Variants in ARID4A observed in about 807,000 individuals in gnomAD.
The protein encoded by ARID4A is AT-rich interactive domain-containing protein 4A.
Under a neutral mutation model 148.6 loss-of-function variants are expected in ARID4A, and 39 were observed. The ratio of observed to expected loss-of-function variants is 0.26; its 90% CI spans 0.20 to 0.34. The LOEUF is 0.34. Among genes scored for constraint, ARID4A ranks in the 10% least tolerant of loss-of-function variants. The pLI, the probability that ARID4A is intolerant of heterozygous loss-of-function variation, is 1.00. For synonymous variants in ARID4A, 475 were observed against 481.2 expected (o/e 0.99, Z 0.17); for missense variants, 1,265 against 1,449.1 (o/e 0.87, Z 2.06).
Position 58,347,875 on chromosome 14 carries a change from G to A in ARID4A, c.1401G>A (p.Pro467=), listed in dbSNP as rs563769729. Residue 467 remains proline, a synonymous_variant, in exon 15 of 24, where the codon CCG becomes CCA. Coordinates refer to ENST00000355431, the MANE Select transcript of ARID4A (RefSeq NM_002892.4). ...GAGAAGAGATAGAATTAAAATCTCC[G>A]AGGGTGAGTTCTTAATACTAGTTTT... is the stretch of plus-strand genomic sequence containing the variant. ...SEREEIELKS[P]RGRRRIARDV... The A allele has an allele frequency of 3.7e-5, 59 of 1,604,134 alleles. 1 individual carries two copies. The highest frequency in any genetic ancestry group is 2.2e-4 in the South Asian group (20 of 90,280).
intron 7 of ARID4A, 128 bp downstream of exon 7, chr14:58,318,933 T>C (rs1262065909): frequency 1.1e-5 from 8 of 703,500 alleles, no homozygotes; most frequent in Non-Finnish European, 1.6e-5. Flanking sequence ...ATGTTAGACA[T>C]TTTACCCTGA....
intron 5 of ARID4A, among the ~76,000 whole-genome samples, chr14:58,307,846 G>A (rs1324993698): frequency 1.3e-5 from 2 of 152,122 alleles, no homozygotes; most frequent in African/African-American, 2.4e-5. Flanking sequence ...TAAGCTTAAT[G>A]TTAACTCTTA....
At position 58,365,054 on chromosome 14, in the gene ARID4A, G is replaced by A. The variant is rs1418461925; in HGVS notation, c.2965G>A (p.Val989Ile). 1 of 1,614,096 alleles carries A rather than the reference G, an allele frequency of 6.2e-7. No individual in the cohort carries two copies. Among genetic ancestry groups the A allele is most frequent in the South Asian group, 1.1e-5 (1 of 91,080 alleles). Reference sequence around the variant, plus strand: ...TGAAAGCTCTGAGTCTAACTCTCTTGTTTCTATTCCACCTGCCCTACCTCC... The same window carrying A: ...TGAAAGCTCTGAGTCTAACTCTCTTATTTCTATTCCACCTGCCCTACCTCC... Reference protein sequence around the residue: ...AVESSESNSLVSIPPALPPVV... With the variant: ...AVESSESNSLISIPPALPPVV... Residue 989 changes from valine to isoleucine, a missense_variant, in exon 20 of 24, where the codon GTT becomes ATT. This residue lies in a region of ARID4A where 666 missense variants were observed against 730.9 expected (regional missense o/e 0.91). Coordinates refer to ENST00000355431, the MANE Select transcript of ARID4A (RefSeq NM_002892.4).
Position 58,346,428 on chromosome 14 carries a change from C to G in ARID4A, c.997C>G (p.Pro333Ala). The change falls in exon 13 of 24, where the codon CCA (proline) becomes GCA (alanine). Residue 333 changes from proline to alanine, a missense_variant. Pro to Ala is a conservative substitution (Grantham distance 27). Around this residue, in one of 9 missense-constraint regions of ARID4A, gnomAD observed 249 missense variants for 277.2 expected, o/e 0.90. Transcript: ENST00000355431. Reference sequence around the variant, plus strand: ...TTGAAAAGGTACTCCAATCAACAAACCACCTGTTTTGGGCTATAAAGATCT... The same window carrying G: ...TTGAAAAGGTACTCCAATCAACAAAGCACCTGTTTTGGGCTATAAAGATCT... ...MEDRGTPINK[P>A]PVLGYKDLNL... The G allele has an allele frequency of 6.2e-7, 1 of 1,605,804 alleles. No homozygotes were observed. The highest frequency in any genetic ancestry group is 8.5e-7 in the Non-Finnish European group (1 of 1,175,136).
chr14:58,364,998 A>G lies in ARID4A; in HGVS notation c.2909A>G (p.Lys970Arg). ...GTAGATTTGGATGATTTGGATGAAA[A>G]GGATAAGACCAGCATTGAGGATGTA... ...HEVDLDDLDE[K>R]DKTSIEDVAV... The change falls in exon 20 of 24, where the codon AAG (lysine) becomes AGG (arginine). Residue 970 changes from lysine to arginine, a missense_variant. This residue lies in a region of ARID4A where 666 missense variants were observed against 730.9 expected (regional missense o/e 0.91). Transcript: ENST00000355431. 1 of 1,614,156 alleles carries G rather than the reference A, an allele frequency of 6.2e-7. No homozygotes were observed.
Position 58,351,293 on chromosome 14 carries a change from C to T in ARID4A, c.1625C>T (p.Ser542Leu), listed in dbSNP as rs2034627396. The T allele has an allele frequency of 2.5e-6, 4 of 1,604,710 alleles. No individual in the cohort carries two copies. The highest frequency in any genetic ancestry group is 2.5e-6 in the Non-Finnish European group (3 of 1,177,986). Residue 542 changes from serine (S) to leucine (L), a missense_variant, in exon 16 of 24, where the codon TCA becomes TTA. Transcript: ENST00000355431. ...IKKQEDSDKD[S>L]DEEEEKSQER... Reference sequence around the variant, plus strand: ...AAACAGGAGGATTCTGACAAAGACTCAGATGAAGAGGAAGAGAAAAGCCAA... The same window carrying T: ...AAACAGGAGGATTCTGACAAAGACTTAGATGAAGAGGAAGAGAAAAGCCAA...
Position 58,353,726 on chromosome 14 carries a change from C to T in ARID4A, c.1724C>T (p.Thr575Ile), listed in dbSNP as rs756389683. ...GAGGAAGACATGGAACCCTGCCTAA[C>T]AGGAACCAAAGTGAAAGTAAAATAT... ...EDEEDMEPCL[T>I]GTKVKVKYGR... The change falls in exon 17 of 24, where the codon ACA becomes ATA. Residue 575 changes from threonine (T) to isoleucine (I), a missense_variant. By Grantham distance (89) the Thr-to-Ile change is moderately conservative. Coordinates refer to ENST00000355431, the MANE Select transcript of ARID4A (RefSeq NM_002892.4). The T allele has an allele frequency of 1.2e-6, 2 of 1,613,978 alleles. No individual in the cohort carries two copies. Among genetic ancestry groups the T allele is most frequent in the Admixed American group, 1.7e-5 (1 of 60,006 alleles).
Position 58,338,442 on chromosome 14 carries a change from T to G in ARID4A, c.907-6253T>G, listed in dbSNP as rs34041403. ...ACTTCTGATGTACTCCTTGCAGTGC[T>G]TAGCTCCCCACAGTGGAGCTTGGAG... On this transcript the variant is annotated intron_variant, in intron 11 of 23. Coordinates refer to ENST00000355431, the MANE Select transcript of ARID4A (RefSeq NM_002892.4). 5.4e-3 allele frequency among the ~76,000 whole-genome samples: 823 copies of G among 152,336 alleles called. 4 individuals carry two copies. Among genetic ancestry groups the G allele is most frequent in the Non-Finnish European group, 9.7e-3 (659 of 68,028 alleles).
chr14:58,350,870 A>G (rs984272261), intron 15 of ARID4A, among the ~76,000 whole-genome samples: 27 of 152,204 alleles, frequency 1.8e-4, no homozygotes, highest in Non-Finnish European at 4.0e-4. Context: ...GTATATAGCC[A>G]AAGTAGACCT....
intron 18 of ARID4A, among the ~76,000 whole-genome samples, chr14:58,359,899 T>C (rs1172900420): frequency 6.6e-6 from 1 of 152,202 alleles, no homozygotes; most frequent in African/African-American, 2.4e-5. Flanking sequence ...ACCCCATCTC[T>C]ACTAAATATA....
chr14:58,366,616 G>A (rs2140274051), intron 22 of ARID4A, among the ~76,000 whole-genome samples: 1 of 152,246 alleles, frequency 6.6e-6, no homozygotes, highest in South Asian at 2.1e-4. Context: ...AGATAGGTCA[G>A]GGTTAGTTTG....
chr14:58,310,595 C>G (rs1426164880), intron 5 of ARID4A, among the ~76,000 whole-genome samples: 1 of 152,112 alleles, frequency 6.6e-6, no homozygotes, highest in Non-Finnish European at 1.5e-5. Context: ...AGACCCTCAT[C>G]TCACTCGATA....
chr14:58,341,868 A>G (rs2034133385), intron 11 of ARID4A, among the ~76,000 whole-genome samples: 1 of 152,236 alleles, frequency 6.6e-6, no homozygotes. Context: ...ACATGTATAA[A>G]TGTAAATGAC....
chr14:58,306,677 A>G (rs1451663226), intron 5 of ARID4A, among the ~76,000 whole-genome samples: 1 of 152,184 alleles, frequency 6.6e-6, no homozygotes, highest in East Asian at 1.9e-4. Flanking sequence ...CAGAAGTTCG[A>G]GACCAGCCTG....
At chr14:58,304,914 A>G (rs7155580) in intron 3 of ARID4A, 30 bp from the exon 4 acceptor site, 1,113,046 of 1,562,896 alleles carry the variant, frequency 0.71, 400,804 homozygotes, top group Middle Eastern at 0.84. Flanking sequence ...TAAAAGTAAT[A>G]TGCAAATTAT....
At chr14:58,348,057 CCCTT>C (rs1409611226) in intron 15 of ARID4A, among the ~76,000 whole-genome samples, 179 bp downstream of exon 15, 2 of 152,016 alleles carry the variant, frequency 1.3e-5, no homozygotes, top group African/African-American at 4.8e-5. Context: ...TACCTGAAAA[CCCTT>C]CCTTCTGTTT....
At chr14:58,362,992 C>T (rs1218907962) in intron 19 of ARID4A, among the ~76,000 whole-genome samples, 2 of 152,228 alleles carry the variant, frequency 1.3e-5, no homozygotes, top group Admixed American at 6.5e-5. Flanking sequence ...CATCCTTCCT[C>T]TTTACTGCCA....
intron 5 of ARID4A, among the ~76,000 whole-genome samples, chr14:58,308,697 A>ATCC: frequency 6.6e-6 from 1 of 152,128 alleles, no homozygotes; most frequent in East Asian, 1.9e-4. Context: ...AACATCCTGT[A>ATCC]TTTTTCTTTC....
chr14:58,352,920 G>A (rs1050605191), intron 16 of ARID4A, among the ~76,000 whole-genome samples: 3 of 152,108 alleles, frequency 2.0e-5, no homozygotes, highest in Non-Finnish European at 4.4e-5. Context: ...AAAGCCGATG[G>A]AAGATGAGTA....
Sources: allele counts gnomAD v4.1 joint callset (sites outside exome capture counted in the v4.1 genomes callset), GRCh38; gene constraint gnomAD v4.1.1; regional missense constraint gnomAD v4.1.1; transcripts MANE v1.5; gene names NCBI Gene and HGNC (gene_info 2026-07-23, HGNC 2026-07-21).